The following PBX1 variants were observed in gnomAD, a reference collection of about 807,000 sequenced individuals.
PBX1 encodes pre-B-cell leukemia transcription factor 1.
PBX1 carries 6 observed loss-of-function variants against 53.4 expected under a neutral mutation model. The observed-to-expected ratio is 0.11, with a 90% CI of 0.06 to 0.22. PBX1 has a LOEUF of 0.22. Among genes scored for constraint, PBX1 ranks in the 10% least tolerant of loss-of-function variants. The pLI is 1.00. For synonymous variants in PBX1, 204 were observed against 212.3 expected (o/e 0.96, Z 0.34); for missense variants, 251 against 551.4 (o/e 0.46, Z 5.46).
chr1:164,590,220 A>AT, intron 2 of PBX1: 1 of 387,312 alleles, frequency 2.6e-6, no homozygotes, highest in Admixed American at 3.3e-5. Context: ...TTGAAAAAAA[A>AT]AAAAGCTGGG....
downstream of PBX1, chr1:164,854,131 C>G (rs1326562013): frequency 1.3e-5 from 2 of 152,022 alleles, no homozygotes; most frequent in South Asian, 4.2e-4. Flanking sequence ...GTCTCGAACT[C>G]CTGGCCTCAA....
intron 2 of PBX1, among the ~76,000 whole-genome samples, chr1:164,571,693 T>A (rs1181069796): frequency 6.7e-6 from 1 of 149,900 alleles, no homozygotes; most frequent in African/African-American, 2.5e-5. Context: ...TGCTTACAGG[T>A]TTTTATGTAT....
chr1:164,638,016 G>A (rs1481752783), intron 2 of PBX1, among the ~76,000 whole-genome samples: 1 of 152,226 alleles, frequency 6.6e-6, no homozygotes, highest in African/African-American at 2.4e-5. Context: ...CTCAATATCA[G>A]TGGAATATTG....
chr1:164,608,291 C>T (rs2792260), intron 2 of PBX1, among the ~76,000 whole-genome samples: 66,275 of 151,952 alleles, frequency 0.44, 14,847 homozygotes, highest in East Asian at 0.51. Flanking sequence ...AAGGAAGGCT[C>T]GCAACATCCT....
chr1:164,644,658 GA>G (rs1429845347), intron 2 of PBX1, among the ~76,000 whole-genome samples: 1 of 152,042 alleles, frequency 6.6e-6, no homozygotes, highest in Non-Finnish European at 1.5e-5. Context: ...CAAGTAACAT[GA>G]ATTGCCTGAA....
At chr1:164,860,795 G>A (rs566634461) in intron 2 of PBX1, among the ~76,000 whole-genome samples, 19 of 152,210 alleles carry the variant, frequency 1.2e-4, no homozygotes, top group Non-Finnish European at 2.5e-4. Flanking sequence ...TCAAGGATCC[G>A]ATCTCCCTCA....
intron 2 of PBX1, among the ~76,000 whole-genome samples, chr1:164,786,494 G>A (rs1014091974): frequency 6.6e-6 from 1 of 152,188 alleles, no homozygotes; most frequent in Non-Finnish European, 1.5e-5. Flanking sequence ...TGAGAAAGAA[G>A]AGGGCATTCT....
intron 2 of PBX1, among the ~76,000 whole-genome samples, chr1:164,605,787 ATAAAG>A (rs1203445856): frequency 6.6e-6 from 1 of 152,242 alleles, no homozygotes; most frequent in Non-Finnish European, 1.5e-5. Flanking sequence ...AAAAGGCTTT[ATAAAG>A]TAAACAACAT....
intron 2 of PBX1, among the ~76,000 whole-genome samples, chr1:164,739,860 G>A (rs1409465648): frequency 1.3e-5 from 2 of 151,660 alleles, no homozygotes; most frequent in African/African-American, 4.8e-5. Flanking sequence ...GTAAGGCTAC[G>A]TTGAACTCTT....
intron 8 of PBX1, among the ~76,000 whole-genome samples, chr1:164,823,369 A>C (rs1012274761): frequency 6.7e-6 from 1 of 148,640 alleles, no homozygotes; most frequent in East Asian, 2.0e-4. Flanking sequence ...ACATGCATTT[A>C]TGTATTTCCT....
chr1:164,583,764 CTTCT>C lies in PBX1; in HGVS notation c.265+20458_265+20461del, dbSNP rs567229171. Among the ~76,000 whole-genome samples the C allele has an allele frequency of 3.8e-3, 586 of 152,230 alleles. 4 individuals carry two copies. The highest frequency in any genetic ancestry group is 0.013 in the African/African-American group (557 of 41,528). ...CTTTTCTTCCTCCTTTCTCCTCTTCCTTCTTTCTATTTAAAAACCATTTGCCAGG... is the reference window on the plus strand; with the variant it reads ...CTTTTCTTCCTCCTTTCTCCTCTTCCTTCTATTTAAAAACCATTTGCCAGG... On this transcript the variant is annotated intron_variant, in intron 2 of 8. Coordinates refer to ENST00000420696, the MANE Select transcript of PBX1 (RefSeq NM_002585.4).
At position 164,847,540 on chromosome 1, in the gene PBX1, A is replaced by G; in HGVS notation, c.*864A>G. On this transcript the variant is annotated 3_prime_UTR_variant, in exon 9 of 9. Coordinates refer to ENST00000420696, the MANE Select transcript of PBX1 (RefSeq NM_002585.4). ...CCTATTGCAAAACTGGGCCTGAGTT[A>G]GGCATGGTGATGAATGCATCAGCAA... 1 of 1,062,620 alleles carries G rather than the reference A, an allele frequency of 9.4e-7. No homozygotes were observed. The highest frequency in any genetic ancestry group is 1.1e-6 in the Non-Finnish European group (1 of 877,606). The allele number at this position is 1,062,620 out of a possible 1,614,324, so 65.8% of individuals were successfully genotyped here. A position where few individuals can be genotyped will look rare whatever the true frequency, so the allele number is the denominator to read the frequency against.
At chr1:164,595,503 C>CT (rs1190482151) in intron 2 of PBX1, among the ~76,000 whole-genome samples, 134 of 138,032 alleles carry the variant, frequency 9.7e-4, no homozygotes, top group Admixed American at 1.5e-3. Flanking sequence ...TGGTGGGAGC[C>CT]TTTTTTTTTT....
intron 2 of PBX1, among the ~76,000 whole-genome samples, chr1:164,778,840 G>T (rs934337558): frequency 6.6e-6 from 1 of 152,044 alleles, no homozygotes; most frequent in Non-Finnish European, 1.5e-5. Flanking sequence ...TTTCTTCAGG[G>T]CACCGCCTTT....
At chr1:164,667,739 G>A (rs145860284) in intron 2 of PBX1, among the ~76,000 whole-genome samples, 1 of 152,228 alleles carries the variant, frequency 6.6e-6, no homozygotes. Context: ...TTGTGCAGGA[G>A]TGAGCCGTTT....
chr1:164,769,565 T>C (rs993078224), intron 2 of PBX1, among the ~76,000 whole-genome samples: 5 of 152,170 alleles, frequency 3.3e-5, no homozygotes, highest in African/African-American at 1.2e-4. Context: ...GATGAGGTCT[T>C]GTGTGTGCTG....
chr1:164,598,904 A>G (rs1422373853), intron 2 of PBX1, among the ~76,000 whole-genome samples: 1 of 152,172 alleles, frequency 6.6e-6, no homozygotes, highest in African/African-American at 2.4e-5. Context: ...CATAAAAGAA[A>G]ACAGAGGCTC....
At chr1:164,671,261 C>T (rs1661096594) in intron 2 of PBX1, among the ~76,000 whole-genome samples, 1 of 150,758 alleles carries the variant, frequency 6.6e-6, no homozygotes, top group Non-Finnish European at 1.5e-5. Context: ...GAAATTTGTC[C>T]AGGGCTAGTT....
At chr1:164,804,342 C>T (rs1377911356) in intron 4 of PBX1, among the ~76,000 whole-genome samples, 1 of 151,982 alleles carries the variant, frequency 6.6e-6, no homozygotes, top group Non-Finnish European at 1.5e-5. Flanking sequence ...TTGATGGTGT[C>T]CCCAGAGCTA....
Sources: gnomAD v4.1 joint callset for allele counts (sites outside exome capture counted in the v4.1 genomes callset) on GRCh38, gnomAD v4.1.1 for gene constraint, MANE v1.5 for transcripts, NCBI Gene and HGNC (gene_info 2026-07-23, HGNC 2026-07-21) for gene names.